TBX20: variants seen among roughly 807,000 people sequenced by gnomAD.
TBX20 encodes the protein T-box transcription factor 20.
TBX20 carries 8 observed loss-of-function variants against 42.9 expected under a neutral mutation model. The ratio of observed to expected loss-of-function variants is 0.19; its 90% confidence interval spans 0.11 to 0.34. The LOEUF (loss-of-function observed/expected upper bound fraction) is 0.34. Ranked by LOEUF, TBX20 falls within the 10% of genes least tolerant of loss-of-function variation. The pLI, the probability that TBX20 is intolerant of heterozygous loss-of-function variation, is 1.00. For synonymous variants in TBX20, 198 were observed against 222.8 expected, an observed-to-expected ratio of 0.89 and a Z score of 0.99; for missense variants, 411 against 566.0, an observed-to-expected ratio of 0.73 and a Z score of 2.78.
chr7:35,253,586 G>A lies in TBX20; in HGVS notation c.35C>T (p.Ser12Phe), dbSNP rs1164563985. The A allele has an allele frequency of 6.2e-7, 1 of 1,612,254 alleles. No homozygotes were observed. Among genetic ancestry groups the A allele is most frequent in the Non-Finnish European group, 8.5e-7 (1 of 1,180,020 alleles). Residue 12 changes from serine to phenylalanine, a missense_variant, in exon 1 of 8, where the codon TCC becomes TTC. Ser to Phe is a radical substitution (Grantham distance 155). Coordinates refer to ENST00000408931, the MANE Select transcript of TBX20 (RefSeq NM_001077653.2). Reference protein sequence around the residue: ...EFTASPKPQLSSRANAFSIAA... With the variant: ...EFTASPKPQLFSRANAFSIAA... ...AATGGAGAAGGCGTTGGCCCGAGAG[G>A]AGAGTTGGGGCTTGGGGGACGCCGT... is the stretch of plus-strand genomic sequence containing the variant.
At chr7:35,241,797 G>A (rs1158274940) in intron 4 of TBX20, among the ~76,000 whole-genome samples, 1 of 152,112 alleles carries the variant, frequency 6.6e-6, no homozygotes, top group Non-Finnish European at 1.5e-5. Context: ...ACACACCCTT[G>A]TTAACAAGGC....
chr7:35,208,186 A>C (rs900177231), intron 6 of TBX20, among the ~76,000 whole-genome samples: 36 of 152,254 alleles, frequency 2.4e-4, no homozygotes, highest in South Asian at 8.3e-4. Flanking sequence ...TATTATAGTA[A>C]ATATTGCTTT....
chr7:35,246,480 G>T (rs1157629478), intron 3 of TBX20, among the ~76,000 whole-genome samples: 1 of 151,956 alleles, frequency 6.6e-6, no homozygotes, highest in South Asian at 2.1e-4. Flanking sequence ...CCTCTCTAAG[G>T]ATCACATTCA....
At chr7:35,224,528 T>C (rs1789737446) in intron 6 of TBX20, among the ~76,000 whole-genome samples, 2 of 152,188 alleles carry the variant, frequency 1.3e-5, no homozygotes, top group Non-Finnish European at 1.5e-5. Flanking sequence ...CAAAATTAGC[T>C]GGACGTGGTG....
At chr7:35,242,170 G>T (rs912435679) in intron 4 of TBX20, among the ~76,000 whole-genome samples, 1 of 152,174 alleles carries the variant, frequency 6.6e-6, no homozygotes, top group African/African-American at 2.4e-5. Context: ...TGTTTCTGCC[G>T]ATTGACTTTA....
chr7:35,215,761 A>G (rs1361457192), intron 6 of TBX20, among the ~76,000 whole-genome samples: 1 of 152,190 alleles, frequency 6.6e-6, no homozygotes, highest in African/African-American at 2.4e-5. Context: ...GAAATGGTAC[A>G]CACGTCAGAG....
At chr7:35,210,932 A>G (rs2907407) in intron 6 of TBX20, among the ~76,000 whole-genome samples, 1 of 151,724 alleles carries the variant, frequency 6.6e-6, no homozygotes, top group South Asian at 2.1e-4. Context: ...TTTGTTTTCT[A>G]TTTGTCCCAT....
In TBX20 at chr7:35,253,547, G is replaced by C. The variant is rs199991861; in HGVS notation, c.74C>G (p.Ser25Trp). The change falls in exon 1 of 8, where the codon TCG becomes TGG. Residue 25 changes from serine to tryptophan, a missense_variant. Ser to Trp is a radical substitution (Grantham distance 177). Transcript: ENST00000408931. ...ANAFSIAALM[S>W]SGGSKEKEAT... is the part of the protein sequence containing the mutation. ...CTCCTTCTCCTTAGAGCCGCCGCTC[G>C]ACATGAGCGCGGCAATGGAGAAGGC... 1.9e-6 allele frequency: 3 copies of C among 1,612,856 alleles called. No homozygotes were observed. The highest frequency in any genetic ancestry group is 1.3e-5 in the African/African-American group (1 of 75,030).
chr7:35,211,168 C>T (rs541370590), intron 6 of TBX20, among the ~76,000 whole-genome samples: 1 of 152,112 alleles, frequency 6.6e-6, no homozygotes, highest in South Asian at 2.1e-4. Flanking sequence ...TTTCATTTCT[C>T]CCTTCCAGCC....
chr7:35,232,935 A>G (rs1282850986), intron 5 of TBX20, among the ~76,000 whole-genome samples: 1 of 152,130 alleles, frequency 6.6e-6, no homozygotes, highest in African/African-American at 2.4e-5. Flanking sequence ...CACGAGAATC[A>G]CCTGAACCCG....
intron 3 of TBX20, among the ~76,000 whole-genome samples, chr7:35,247,508 T>C (rs1790216872): frequency 6.6e-6 from 1 of 152,144 alleles, no homozygotes; most frequent in South Asian, 2.1e-4. Flanking sequence ...TTTTAATCTC[T>C]TTTCTAGTGC....
At chr7:35,252,956 G>A (rs2128716539) in intron 1 of TBX20, among the ~76,000 whole-genome samples, 1 of 152,356 alleles carries the variant, frequency 6.6e-6, no homozygotes, top group African/African-American at 2.4e-5. Context: ...GTTATAAAAT[G>A]ATGTCTTGGT....
At chr7:35,235,871 C>T (rs1431302913) in intron 5 of TBX20, among the ~76,000 whole-genome samples, 1 of 152,056 alleles carries the variant, frequency 6.6e-6, no homozygotes, top group Non-Finnish European at 1.5e-5. Flanking sequence ...TTCCCAGCCA[C>T]AAGGTAAAAT....
chr7:35,226,223 T>C (rs544648074), intron 6 of TBX20, among the ~76,000 whole-genome samples: 30 of 152,086 alleles, frequency 2.0e-4, no homozygotes, highest in Middle Eastern at 3.4e-3. Flanking sequence ...TTTTCTAGGA[T>C]AGAAATCAAA....
At chr7:35,243,737 T>C (rs1790126331) in intron 4 of TBX20, among the ~76,000 whole-genome samples, 1 of 152,152 alleles carries the variant, frequency 6.6e-6, no homozygotes, top group Non-Finnish European at 1.5e-5. Context: ...ACCTTAAAGA[T>C]AAAGATCAAC....
In TBX20 at chr7:35,253,804, G is replaced by T; in HGVS notation, c.-184C>A. 1.4e-6 allele frequency: 1 copy of T among 719,752 alleles called. No individual in the cohort carries two copies. 44.6% of individuals were successfully genotyped at this position (719,752 alleles called of 1,614,324 possible). On this transcript the variant is annotated 5_prime_UTR_variant, in exon 1 of 8. An upstream open reading frame in the 5' UTR gains an earlier in-frame stop. Coordinates refer to ENST00000408931, the MANE Select transcript of TBX20 (RefSeq NM_001077653.2). ...TGCACACTGGCCTCTATTCCCCACC[G>T]CAAAGCCCCAGAGCCGCAGAGACTT...
chr7:35,221,384 G>T (rs1352942778), intron 6 of TBX20, among the ~76,000 whole-genome samples: 2 of 151,174 alleles, frequency 1.3e-5, no homozygotes, highest in East Asian at 1.9e-4. Context: ...AATTGTAAAG[G>T]CTCAATTATA....
chr7:35,240,370 T>C (rs1252012250), intron 5 of TBX20, among the ~76,000 whole-genome samples: 1 of 152,226 alleles, frequency 6.6e-6, no homozygotes, highest in African/African-American at 2.4e-5. Flanking sequence ...ATCTTGATGT[T>C]ACATACTATG....
intron 6 of TBX20, among the ~76,000 whole-genome samples, chr7:35,215,649 A>G (rs1789576928): frequency 6.6e-6 from 1 of 152,202 alleles, no homozygotes. Flanking sequence ...AGTCTTTCTA[A>G]CATCTAATGC....
Sources: allele counts gnomAD v4.1 joint callset (sites outside exome capture counted in the v4.1 genomes callset), GRCh38; gene constraint gnomAD v4.1.1; transcripts MANE v1.5; gene names NCBI Gene and HGNC (gene_info 2026-07-23, HGNC 2026-07-21).